The following MAP4K2 variants were observed in gnomAD, a reference collection of about 807,000 sequenced individuals.
The protein encoded by MAP4K2 is B lymphocyte serine/threonine protein kinase.
Under a neutral mutation model 125.3 loss-of-function variants are expected in MAP4K2, and 85 were observed. The observed-to-expected ratio is 0.68, with a 90% confidence interval of 0.57 to 0.81. MAP4K2 has a LOEUF of 0.81. Ranked by LOEUF, MAP4K2 falls within the 40% of genes least tolerant of loss-of-function variation. The pLI is 0.00. For missense variants in MAP4K2, 923 were observed against 1,056.4 expected (o/e 0.87, Z 1.75); for synonymous variants, 479 against 445.1 (o/e 1.08, Z -0.96).
In MAP4K2 at chr11:64,802,943, C is replaced by G. The variant is rs1378605136; in HGVS notation, c.97-1G>C. 1.3e-6 allele frequency: 2 copies of G among 1,578,152 alleles called. No homozygotes were observed. On this transcript the variant is annotated splice_acceptor_variant, in intron 1 of 31. Coordinates refer to ENST00000294066, the MANE Select transcript of MAP4K2 (RefSeq NM_004579.5). LOFTEE classifies it high-confidence loss of function. ...GTTCGGACGTGACCGTGTCGCGGGC[C>G]TGCAGGGGCGGAGGGTGAAGCGGGA...
Position 64,789,951 on chromosome 11 carries a change from G to A in MAP4K2, c.2257C>T (p.Gln753Ter). The change falls in exon 30 of 32, where the codon CAG becomes TAG. Residue 753 changes from glutamine to a stop codon, truncating the protein, a stop_gained. Transcript: ENST00000294066. LOFTEE classifies it high-confidence loss of function. ...CTCCAGAAGGCCAGCACACTGTCCT[G>A]CAGGCACACTATGGGGGCCAGGCCA... ...DFPIETVVCL[Q>*]DSVLAFWSHG... 6.2e-7 allele frequency: 1 copy of A among 1,613,378 alleles called. No individual in the cohort carries two copies. Among genetic ancestry groups the A allele is most frequent in the Non-Finnish European group, 8.5e-7 (1 of 1,179,910 alleles).
chr11:64,798,296 G>T (rs1940950584), intron 15 of MAP4K2, among the ~76,000 whole-genome samples: 1 of 152,194 alleles, frequency 6.6e-6, no homozygotes, highest in Non-Finnish European at 1.5e-5. Context: ...CTCCTGAGTA[G>T]CTGGGATTAC....
intron 6 of MAP4K2, 21 bp downstream of exon 6, chr11:64,801,689 T>A (rs1445796759): frequency 6.2e-7 from 1 of 1,613,308 alleles, no homozygotes; most frequent in Admixed American, 1.7e-5. Context: ...TCCCCAGGAG[T>A]GCCCCCAGCT....
Position 64,803,158 on chromosome 11 carries a change from G to C in MAP4K2, c.-9C>G. The C allele has an allele frequency of 8.0e-7, 1 of 1,253,018 alleles. No homozygotes were observed. Among genetic ancestry groups the C allele is most frequent in the Non-Finnish European group, 1.0e-6 (1 of 994,760 alleles). 77.6% of individuals were successfully genotyped at this position (1,253,018 alleles called of 1,614,324 possible). On this transcript the variant is annotated 5_prime_UTR_variant, in exon 1 of 32. Coordinates refer to ENST00000294066, the MANE Select transcript of MAP4K2 (RefSeq NM_004579.5). Reference sequence around the variant, plus strand: ...TCCCGCAGCAGCGCCATGGCCCGGCGCCGGGCGGGCCGGCAGGCGGGCGGG... The same window carrying C: ...TCCCGCAGCAGCGCCATGGCCCGGCCCCGGGCGGGCCGGCAGGCGGGCGGG...
At chr11:64,793,922 C>T in intron 24 of MAP4K2, among the ~76,000 whole-genome samples, 1 of 152,156 alleles carries the variant, frequency 6.6e-6, no homozygotes, top group African/African-American at 2.4e-5. Flanking sequence ...GCTCAGGAAG[C>T]CCCAAGGCCA....
At position 64,797,028 on chromosome 11, in the gene MAP4K2, G is replaced by T. The variant is rs1308904370; in HGVS notation, c.1366-5C>A. On this transcript the variant is annotated splice_polypyrimidine_tract_variant and splice_region_variant and intron_variant, in intron 19 of 31. Transcript: ENST00000294066. The stretch of plus-strand genomic sequence containing the variant: ...GAGCCCGTGGCAGGATGACCTCTGG[G>T]AGGGAGGAAAGGAGTCAGGGCTGAT... 7 of 1,614,116 alleles carry T rather than the reference G, an allele frequency of 4.3e-6. No individual in the cohort carries two copies. The highest frequency in any genetic ancestry group is 5.1e-6 in the Non-Finnish European group (6 of 1,180,000).
rs578014820 is a variant in MAP4K2, at chr11:64,792,238, G to A, written c.1848C>T (p.Ala616=). Residue 616 remains alanine, a synonymous_variant, in exon 26 of 32, where the codon GCC becomes GCT. Coordinates refer to ENST00000294066, the MANE Select transcript of MAP4K2 (RefSeq NM_004579.5). ...NPYTGATFLL[A]ALPTSLLLLQ... The stretch of plus-strand genomic sequence containing the variant: ...GCAGGAGCAGGCTGGTGGGCAGGGC[G>A]GCCAGCAGGAAGGTGGCACCCGTGT... 129 of 1,611,818 alleles carry A rather than the reference G, an allele frequency of 8.0e-5. No homozygotes were observed. In the Admixed American group the frequency reaches 1.4e-3, roughly 18 times the overall value.
chr11:64,799,894 G>A (rs1941057112), intron 12 of MAP4K2, among the ~76,000 whole-genome samples: 1 of 152,204 alleles, frequency 6.6e-6, no homozygotes. Flanking sequence ...GCACAGTCGT[G>A]GTCATGGTCA....
In MAP4K2 at chr11:64,796,999, G is replaced by C. The variant is rs200327829; in HGVS notation, c.1390C>G (p.Pro464Ala). ...PERSSCHGLP[P>A]TPKVHMGACF... ...ACACTTACATGCACCTTGGGAGTTGGGGGGAGCCCGTGGCAGGATGACCTC... is the reference window on the plus strand; with the variant it reads ...ACACTTACATGCACCTTGGGAGTTGCGGGGAGCCCGTGGCAGGATGACCTC... The change falls in exon 20 of 32, where the codon CCA becomes GCA. Residue 464 changes from proline to alanine, a missense_variant. Physicochemically the swap from Pro to Ala is conservative, Grantham distance 27. This residue lies in a region of MAP4K2 where 833 missense variants were observed against 911.4 expected (regional missense o/e 0.91). Transcript: ENST00000294066. 31 of 1,613,938 alleles carry C rather than the reference G, an allele frequency of 1.9e-5. No individual in the cohort carries two copies. The highest frequency in any genetic ancestry group is 1.8e-4 in the South Asian group (16 of 91,074).
chr11:64,790,529 G>A (rs1004545269), intron 27 of MAP4K2, 67 bp from the exon 28 acceptor site: 2 of 1,481,526 alleles, frequency 1.3e-6, no homozygotes, highest in Non-Finnish European at 1.9e-6. Context: ...GAGGATACGG[G>A]GGCCAGGCTA....
rs1940181465 is a variant in MAP4K2, at chr11:64,785,428, CA to C, written c.*4108del. 1 of 152,170 alleles carries C rather than the reference CA, an allele frequency of 6.6e-6. No individual in the cohort carries two copies. The highest frequency in any genetic ancestry group is 2.1e-4 in the South Asian group (1 of 4,834). The allele number at this position is 152,170 out of a possible 1,614,324, so 9.4% of individuals were successfully genotyped here. On this transcript the variant is annotated 3_prime_UTR_variant, in exon 32 of 32. Transcript: ENST00000294066. ...AATACACACTAGAAGGCAGCAACTG[CA>C]AAGTGGCAATTCCAGAGTTCTGTGC...
At chr11:64,798,422 C>T (rs1940959415) in intron 15 of MAP4K2, among the ~76,000 whole-genome samples, 1 of 152,212 alleles carries the variant, frequency 6.6e-6, no homozygotes, top group South Asian at 2.1e-4. Flanking sequence ...CCTCGGCCTC[C>T]CAAAGTGCTG....
chr11:64,802,250 T>G, intron 4 of MAP4K2, 129 bp from the exon 5 acceptor site: 2 of 1,059,352 alleles, frequency 1.9e-6, no homozygotes, highest in Non-Finnish European at 1.4e-6. Flanking sequence ...CCTCCCAGTT[T>G]AGTCTAGGAT....
intron 31 of MAP4K2, 29 bp downstream of exon 31, chr11:64,789,701 G>A (rs1452877634): frequency 6.2e-7 from 1 of 1,613,996 alleles, no homozygotes; most frequent in Non-Finnish European, 8.5e-7. Context: ...AGGGGCATCT[G>A]AAGGGGAGGC....
In MAP4K2 at chr11:64,794,626, G is replaced by A. The variant is rs574263930; in HGVS notation, c.1751+1647C>T. On this transcript the variant is annotated intron_variant, in intron 24 of 31. Coordinates refer to ENST00000294066, the MANE Select transcript of MAP4K2 (RefSeq NM_004579.5). ...CACTCGCCAAAGCCTCCCAAAGTGC[G>A]GGATTACAGGCGTGAGCCACTGTGC... Among the ~76,000 whole-genome samples, 13 of 152,154 alleles carry A rather than the reference G, an allele frequency of 8.5e-5. No individual in the cohort carries two copies. The South Asian group carries it at 2.7e-3, about 32-fold the overall frequency.
chr11:64,800,560 G>C (rs905541305), intron 10 of MAP4K2, among the ~76,000 whole-genome samples, 168 bp from the exon 11 acceptor site: 6 of 152,236 alleles, frequency 3.9e-5, no homozygotes, highest in Admixed American at 1.3e-4. Context: ...CGACACAGCG[G>C]CTCCTCCACC....
intron 24 of MAP4K2, among the ~76,000 whole-genome samples, 195 bp downstream of exon 24, chr11:64,796,078 C>T (rs1049938534): frequency 2.0e-5 from 3 of 152,242 alleles, no homozygotes; most frequent in East Asian, 3.8e-4. Context: ...TTCACATCCA[C>T]TGTCTCCTTC....
chr11:64,792,014 G>A lies in MAP4K2; in HGVS notation c.1987C>T (p.Gln663Ter). 6.3e-7 allele frequency: 1 copy of A among 1,598,428 alleles called. No individual in the cohort carries two copies. Among genetic ancestry groups the A allele is most frequent in the Non-Finnish European group, 8.5e-7 (1 of 1,173,178 alleles). The change falls in exon 27 of 32, where the codon CAG (glutamine) becomes TAG (stop). Residue 663 changes from glutamine (Q) to a stop codon, truncating the protein, a stop_gained. Transcript: ENST00000294066. LOFTEE classifies it high-confidence loss of function. ...GGCCCCTCGGCCCCAACACACACCT[G>A]CGGCAGCTCCTTCCCATCCAGCACC... ...PLVLDGKELP[Q>*]VCVGAEGPEG...
At chr11:64,802,818 G>T (rs1941304717) in intron 2 of MAP4K2, 67 bp downstream of exon 2, 2 of 1,536,420 alleles carry the variant, frequency 1.3e-6, no homozygotes, top group Non-Finnish European at 8.8e-7. Context: ...TCAACCCTCC[G>T]CCCGCACCCC....
Sources: gnomAD v4.1 joint callset for allele counts (sites outside exome capture counted in the v4.1 genomes callset) on GRCh38, gnomAD v4.1.1 for gene constraint, gnomAD v4.1.1 regional missense constraint, MANE v1.5 for transcripts, NCBI Gene and HGNC (gene_info 2026-07-23, HGNC 2026-07-21) for gene names.